The following MPRIP variants were observed in gnomAD, a reference collection of about 807,000 sequenced individuals.
MPRIP encodes myosin phosphatase Rho interacting protein.
A neutral mutation model predicts 234.9 loss-of-function variants in MPRIP; 59 were observed. The observed-to-expected ratio is 0.25, with a 90% confidence interval of 0.20 to 0.31. The LOEUF (loss-of-function observed/expected upper bound fraction) is 0.31, where lower values mean the gene tolerates loss of function less well. MPRIP is among the 10% of genes least tolerant of loss of function. MPRIP has a pLI of 1.00. For missense variants in MPRIP, 2,436 were observed against 3,071.0 expected, an observed-to-expected ratio of 0.79 and a Z score of 4.89; for synonymous variants, 1,144 against 1,263.9, an observed-to-expected ratio of 0.91 and a Z score of 2.01.
chr17:17,103,267 T>G (rs575246298), intron 3 of MPRIP, among the ~76,000 whole-genome samples: 2 of 152,324 alleles, frequency 1.3e-5, no homozygotes, highest in East Asian at 3.9e-4. Context: ...TGGTGACGTG[T>G]GGAGCTAAGG....
rs1234309023 is a variant in MPRIP at position 17,167,530 on chromosome 17, C to T, written c.5939C>T (p.Ser1980Leu). Reference protein sequence around the residue: ...RSRVLSQLDASVRDRQDMERH... With the variant: ...RSRVLSQLDALVRDRQDMERH... ...CGGGTCCTGAGCCAGCTGGATGCCT[C>T]GGTCAGAGACAGGCAGGACATGGAG... The change falls in exon 16 of 24, where the codon TCG (serine) becomes TTG (leucine). Residue 1980 changes from serine (S) to leucine (L), a missense_variant. Ser to Leu is a moderately radical substitution (Grantham distance 145). Transcript: ENST00000651222. The surrounding 1 kb of genome is among the most constrained non-coding windows in gnomAD (Gnocchi z 5.9). 3 of 1,304,204 alleles carry T rather than the reference C, an allele frequency of 2.3e-6. No individual in the cohort carries two copies. The highest frequency in any genetic ancestry group is 2.3e-5 in the Admixed American group (1 of 43,574). 80.8% of individuals were successfully genotyped at this position (1,304,204 alleles called of 1,614,324 possible). A position where few individuals can be genotyped will look rare whatever the true frequency, so the allele number is the denominator to read the frequency against.
At chr17:17,092,368 T>C (rs1267294533) in intron 3 of MPRIP, among the ~76,000 whole-genome samples, 1 of 152,164 alleles carries the variant, frequency 6.6e-6, no homozygotes, top group Non-Finnish European at 1.5e-5. Flanking sequence ...CACTGTTTGG[T>C]CATCTGCTTG....
intron 3 of MPRIP, among the ~76,000 whole-genome samples, chr17:17,082,558 G>T (rs2089489162): frequency 6.6e-6 from 1 of 152,064 alleles, no homozygotes; most frequent in Non-Finnish European, 1.5e-5. Context: ...GCCTCCCAAA[G>T]TGCTGGGATT....
At chr17:17,096,941 A>G (rs2089860892) in intron 3 of MPRIP, 1 of 395,648 alleles carries the variant, frequency 2.5e-6, no homozygotes, top group African/African-American at 2.1e-5. Context: ...CCAAGGGGCC[A>G]GCCATCGCAG....
chr17:17,069,681 CCTGT>C (rs2089147536), intron 1 of MPRIP, among the ~76,000 whole-genome samples: 1 of 151,656 alleles, frequency 6.6e-6, no homozygotes, highest in Admixed American at 6.6e-5. Context: ...CAAGAGAGTA[CCTGT>C]CTGTTCACTC....
intron 3 of MPRIP, among the ~76,000 whole-genome samples, chr17:17,098,469 T>C (rs2089895129): frequency 6.6e-6 from 1 of 152,162 alleles, no homozygotes; most frequent in African/African-American, 2.4e-5. Context: ...TCTCCCTCTC[T>C]TGACAGGATT....
chr17:17,166,292 C>T lies in MPRIP; in HGVS notation c.4701C>T (p.Asp1567=). ...AGGAGCAGGTGAGGCTTCTTTCTGA[C>T]CAGATTGCTCTGGAGGCCTCGCTGA... ...TEQEQVRLLS[D]QIALEASLIS... Residue 1567 remains aspartate, a synonymous_variant, in exon 16 of 24, where the codon GAC becomes GAT. Transcript: ENST00000651222. The surrounding 1 kb of genome is among the most constrained non-coding windows in gnomAD (Gnocchi z 4.4). 1 of 1,304,382 alleles carries T rather than the reference C, an allele frequency of 7.7e-7. No individual in the cohort carries two copies. Among genetic ancestry groups the T allele is most frequent in the Non-Finnish European group, 1.0e-6 (1 of 988,988 alleles). 80.8% of individuals were successfully genotyped at this position (1,304,382 alleles called of 1,614,324 possible). A position where few individuals can be genotyped will look rare whatever the true frequency, so the allele number is the denominator to read the frequency against.
At chr17:17,109,821 T>C (rs756928706) in intron 3 of MPRIP, among the ~76,000 whole-genome samples, 2 of 152,144 alleles carry the variant, frequency 1.3e-5, no homozygotes, top group Non-Finnish European at 2.9e-5. Context: ...GGAAGTGCTT[T>C]GAGGCTGCAC....
At chr17:17,135,633 G>A (rs2090680378) in intron 5 of MPRIP, among the ~76,000 whole-genome samples, 1 of 152,150 alleles carries the variant, frequency 6.6e-6, no homozygotes, top group African/African-American at 2.4e-5. Flanking sequence ...AAGGGGCAAG[G>A]CAGCTCTCTG....
chr17:17,136,088 C>T (rs916046346), intron 5 of MPRIP, 131 bp from the exon 6 acceptor site: 1 of 882,034 alleles, frequency 1.1e-6, no homozygotes, highest in Non-Finnish European at 1.8e-6. Context: ...GGGGCAGTAT[C>T]TGAAGATTCC....
chr17:17,144,770 C>T (rs533980836), intron 9 of MPRIP, among the ~76,000 whole-genome samples: 2 of 152,270 alleles, frequency 1.3e-5, no homozygotes, highest in East Asian at 1.9e-4. Flanking sequence ...GCAGGAGAAT[C>T]GCTTGAACCC....
chr17:17,185,013 C>G lies in MPRIP; in HGVS notation c.*119C>G. On this transcript the variant is annotated 3_prime_UTR_variant, in exon 24 of 24. Coordinates refer to ENST00000651222, the MANE Select transcript of MPRIP (RefSeq NM_001364716.4). ...TTATTATTATTGCTGTTGTTGTCAT[C>G]GTTAACTGTGGGCATGGAATGCGTG... The G allele has an allele frequency of 1.5e-6, 1 of 682,740 alleles. No individual in the cohort carries two copies. The highest frequency in any genetic ancestry group is 2.6e-6 in the Non-Finnish European group (1 of 386,960). The allele number at this position is 682,740 out of a possible 1,614,324, so 42.3% of individuals were successfully genotyped here. A position where few individuals can be genotyped will look rare whatever the true frequency, so the allele number is the denominator to read the frequency against.
chr17:17,084,196 A>G (rs148831983), intron 3 of MPRIP, among the ~76,000 whole-genome samples: 1 of 152,304 alleles, frequency 6.6e-6, no homozygotes, highest in African/African-American at 2.4e-5. Context: ...GGTTGAGAGG[A>G]CACTAGGCCA....
intron 12 of MPRIP, among the ~76,000 whole-genome samples, chr17:17,151,911 G>A (rs1190202902): frequency 6.6e-6 from 1 of 152,232 alleles, no homozygotes; most frequent in Non-Finnish European, 1.5e-5. Context: ...AGACTCTGGT[G>A]GGCTCACCTG....
chr17:17,059,081 G>T (rs1278473390), intron 1 of MPRIP, among the ~76,000 whole-genome samples: 2 of 152,210 alleles, frequency 1.3e-5, no homozygotes, highest in Admixed American at 1.3e-4. Flanking sequence ...GTTTATTCAT[G>T]AATTCACTTA....
At chr17:17,131,386 G>A (rs1279692783) in intron 4 of MPRIP, among the ~76,000 whole-genome samples, 1 of 152,218 alleles carries the variant, frequency 6.6e-6, no homozygotes, top group Non-Finnish European at 1.5e-5. Context: ...TGAGGCCATG[G>A]CCAGGCCAGG....
Position 17,109,187 on chromosome 17 carries a change from T to G in MPRIP, c.268-17515T>G, listed in dbSNP as rs1321092045. Reference sequence around the variant, plus strand: ...TTCAATCAGTATCCGTTCTGCCCACTGCTGAGCTCGTGGGTATATGGGGCA... The same window carrying G: ...TTCAATCAGTATCCGTTCTGCCCACGGCTGAGCTCGTGGGTATATGGGGCA... On this transcript the variant is annotated intron_variant, in intron 3 of 23. Transcript: ENST00000651222. Among the ~76,000 whole-genome samples, 5 of 152,336 alleles carry G rather than the reference T, an allele frequency of 3.3e-5. No homozygotes were observed. The East Asian group carries it at 9.6e-4, about 29-fold the overall frequency.
At chr17:17,048,262 T>C (rs1456904519) in intron 1 of MPRIP, among the ~76,000 whole-genome samples, 2 of 152,150 alleles carry the variant, frequency 1.3e-5, no homozygotes, top group Non-Finnish European at 2.9e-5. Context: ...GATTCTGCCC[T>C]TGCTGTGCCC....
At chr17:17,175,478 A>G in intron 20 of MPRIP, 66 bp downstream of exon 20, 1 of 1,482,138 alleles carries the variant, frequency 6.7e-7, no homozygotes, top group African/African-American at 1.4e-5. Context: ...GGAGTGCAGC[A>G]TGGCCCCTGT....
Sources: allele counts gnomAD v4.1 joint callset (sites outside exome capture counted in the v4.1 genomes callset), GRCh38; gene constraint gnomAD v4.1.1; non-coding constraint Gnocchi (gnomAD v3.1); transcripts MANE v1.5; gene names NCBI Gene and HGNC (gene_info 2026-07-23, HGNC 2026-07-21).